Variants in KIAA1217 observed in about 807,000 individuals in gnomAD.
The protein encoded by KIAA1217 is sickle tail protein homolog.
KIAA1217 carries 88 observed loss-of-function variants against 163.9 expected under a neutral mutation model. The ratio of observed to expected loss-of-function variants is 0.54; its 90% confidence interval spans 0.45 to 0.64. KIAA1217 has a LOEUF of 0.64. KIAA1217 is among the 30% of genes least tolerant of loss of function. The probability of loss-of-function intolerance (pLI) is 0.00; values close to 1 mark genes in which losing one functional copy is unlikely to be tolerated. For synonymous variants in KIAA1217, 903 were observed against 923.1 expected, an observed-to-expected ratio of 0.98 and a Z score of 0.39; for missense variants, 2,372 against 2,475.0, an observed-to-expected ratio of 0.96 and a Z score of 0.88.
chr10:24,437,064 A>T (rs1292896223), intron 4 of KIAA1217, among the ~76,000 whole-genome samples: 8 of 152,222 alleles, frequency 5.3e-5, no homozygotes, highest in Admixed American at 5.2e-4. Context: ...TTCTAAAGTC[A>T]TGATAAACCA....
chr10:24,412,075 A>C (rs761437120), intron 3 of KIAA1217, among the ~76,000 whole-genome samples: 1 of 152,050 alleles, frequency 6.6e-6, no homozygotes, highest in Non-Finnish European at 1.5e-5. Flanking sequence ...TGTAACCAAA[A>C]GTTGTTGTGT....
rs939480528 is a variant in KIAA1217 at position 23,898,165 on chromosome 10, G to A, written c.-320-109060G>A. Among the ~76,000 whole-genome samples the A allele has an allele frequency of 3.9e-5, 6 of 151,996 alleles. No individual in the cohort carries two copies. In the East Asian group the frequency reaches 7.8e-4, roughly 20 times the overall value. On this transcript the variant is annotated intron_variant, in intron 1 of 18. Coordinates refer to the KIAA1217 transcript ENST00000376462. ...AAATTCTGATTCTAACCAGGATACC[G>A]GGTACTTTATTGTGAACGGAGTGAC...
intron 1 of KIAA1217, among the ~76,000 whole-genome samples, chr10:23,782,825 A>T (rs765642401): frequency 2.0e-5 from 3 of 152,112 alleles, no homozygotes; most frequent in Non-Finnish European, 4.4e-5. Flanking sequence ...GATGCCTTTA[A>T]TTACTCGTTA....
At chr10:23,946,683 A>C (rs1844063863) in intron 1 of KIAA1217, among the ~76,000 whole-genome samples, 1 of 152,186 alleles carries the variant, frequency 6.6e-6, no homozygotes, top group African/African-American at 2.4e-5. Context: ...ATCATCACAT[A>C]ACAGCCTACA....
chr10:24,216,124 T>C (rs2068782645), intron 1 of KIAA1217, among the ~76,000 whole-genome samples: 1 of 152,198 alleles, frequency 6.6e-6, no homozygotes. Context: ...CTGATGAGTC[T>C]AGTCCAGTAA....
At chr10:23,795,555 A>G (rs1836160240) in intron 1 of KIAA1217, among the ~76,000 whole-genome samples, 1 of 152,212 alleles carries the variant, frequency 6.6e-6, no homozygotes, top group Non-Finnish European at 1.5e-5. Context: ...ATCATAAATC[A>G]TTATATGGTG....
intron 2 of KIAA1217, among the ~76,000 whole-genome samples, chr10:24,063,793 G>C (rs1263002622): frequency 6.6e-6 from 1 of 152,126 alleles, no homozygotes; most frequent in Non-Finnish European, 1.5e-5. Context: ...TTCTTCCATT[G>C]GTTTGTATCC....
chr10:24,178,314 T>C (rs1237129170), intron 2 of KIAA1217, among the ~76,000 whole-genome samples: 3 of 152,260 alleles, frequency 2.0e-5, no homozygotes, highest in African/African-American at 7.2e-5. Flanking sequence ...TACTTTCACA[T>C]TGAATTCTCA....
At chr10:23,879,115 G>A (rs992349699) in intron 1 of KIAA1217, among the ~76,000 whole-genome samples, 1 of 151,884 alleles carries the variant, frequency 6.6e-6, no homozygotes, top group South Asian at 2.1e-4. Context: ...TTCTTAGATG[G>A]CGTTCAAAGC....
chr10:24,408,804 C>T (rs1488459462), intron 3 of KIAA1217, among the ~76,000 whole-genome samples: 1 of 152,154 alleles, frequency 6.6e-6, no homozygotes, highest in African/African-American at 2.4e-5. Context: ...CCTTTCCTTC[C>T]CTGTTAAATT....
intron 1 of KIAA1217, among the ~76,000 whole-genome samples, chr10:23,922,629 A>G (rs148908373): frequency 2.0e-5 from 3 of 152,292 alleles, no homozygotes; most frequent in Non-Finnish European, 4.4e-5. Flanking sequence ...AGAGAACAGG[A>G]GAACTCCTGG....
At chr10:24,237,014 T>C (rs1352748123) in intron 2 of KIAA1217, among the ~76,000 whole-genome samples, 1 of 152,250 alleles carries the variant, frequency 6.6e-6, no homozygotes, top group Non-Finnish European at 1.5e-5. Flanking sequence ...GAGTCTTATT[T>C]GCTCTCCAAG....
intron 2 of KIAA1217, among the ~76,000 whole-genome samples, chr10:24,201,958 A>G (rs1235792819): frequency 6.6e-6 from 1 of 151,766 alleles, no homozygotes; most frequent in Non-Finnish European, 1.5e-5. Flanking sequence ...CCCATTCCCA[A>G]TTCTTCCTGG....
chr10:24,517,075 C>T (rs1463802438), intron 10 of KIAA1217, among the ~76,000 whole-genome samples: 1 of 151,748 alleles, frequency 6.6e-6, no homozygotes, highest in African/African-American at 2.4e-5. Context: ...CCCAGCTACT[C>T]AGGAAGCTGA....
At chr10:24,457,970 G>A (rs79666342) in intron 5 of KIAA1217, among the ~76,000 whole-genome samples, 2,129 of 152,336 alleles carry the variant, frequency 0.014, 51 homozygotes, top group African/African-American at 0.048. Flanking sequence ...CCACCTGGCA[G>A]TTTGTTGTTG....
intron 5 of KIAA1217, among the ~76,000 whole-genome samples, chr10:24,450,955 G>T (rs1300622977): frequency 6.6e-6 from 1 of 152,136 alleles, no homozygotes; most frequent in Non-Finnish European, 1.5e-5. Flanking sequence ...GTGGCTTCAG[G>T]ATAAACTATT....
intron 2 of KIAA1217, among the ~76,000 whole-genome samples, chr10:24,060,678 C>A (rs2060688948): frequency 1.3e-5 from 2 of 152,072 alleles, no homozygotes; most frequent in Admixed American, 1.3e-4. Flanking sequence ...AGCCTGTAGT[C>A]CTAGATACTT....
At chr10:24,323,219 C>CTT (rs1351660562) in intron 2 of KIAA1217, among the ~76,000 whole-genome samples, 1 of 152,164 alleles carries the variant, frequency 6.6e-6, no homozygotes, top group Non-Finnish European at 1.5e-5. Context: ...ACCTCTCAGT[C>CTT]TTCTTTTTAT....
intron 1 of KIAA1217, among the ~76,000 whole-genome samples, chr10:23,804,713 TATC>T (rs1836654182): frequency 6.6e-6 from 1 of 152,154 alleles, no homozygotes; most frequent in Non-Finnish European, 1.5e-5. Flanking sequence ...ATGATAGAAA[TATC>T]ATATTTATGG....
Sources: allele counts gnomAD v4.1 joint callset (sites outside exome capture counted in the v4.1 genomes callset), GRCh38; gene constraint gnomAD v4.1.1; transcripts MANE v1.5; gene names NCBI Gene and HGNC (gene_info 2026-07-23, HGNC 2026-07-21).